The following IKZF1 variants were observed in gnomAD, a reference collection of about 807,000 sequenced individuals.
IKZF1 encodes DNA-binding protein Ikaros.
A neutral mutation model predicts 51.7 loss-of-function variants in IKZF1; 10 were observed. The observed-to-expected ratio is 0.19, with a 90% CI of 0.12 to 0.33. The LOEUF is 0.33. IKZF1 is among the 10% of genes least tolerant of loss of function. IKZF1 has a pLI of 1.00. For synonymous variants in IKZF1, 280 were observed against 282.3 expected, an observed-to-expected ratio of 0.99 and a Z score of 0.08; for missense variants, 484 against 707.5, an observed-to-expected ratio of 0.68 and a Z score of 3.58.
intron 4 of IKZF1, chr7:50,377,086 A>G (rs987021351): frequency 4.6e-5 from 19 of 416,744 alleles, no homozygotes; most frequent in African/African-American, 3.2e-4. Context: ...AACACATACT[A>G]AGTAGTCTCA....
At chr7:50,367,280 G>A (rs77215619) in intron 3 of IKZF1, among the ~76,000 whole-genome samples, 1 of 152,158 alleles carries the variant, frequency 6.6e-6, no homozygotes, top group East Asian at 1.9e-4. Flanking sequence ...CACTTTAACA[G>A]TCACTGAGCT....
intron 1 of IKZF1, among the ~76,000 whole-genome samples, chr7:50,306,648 C>T (rs923389859): frequency 1.6e-4 from 25 of 152,324 alleles, no homozygotes; most frequent in Admixed American, 4.6e-4. Flanking sequence ...TCAGCTGTGG[C>T]CGTTTGTAGC....
chr7:50,314,388 G>T (rs1254868383), intron 1 of IKZF1, among the ~76,000 whole-genome samples: 1 of 152,170 alleles, frequency 6.6e-6, no homozygotes, highest in East Asian at 1.9e-4. Flanking sequence ...GGGATTACTG[G>T]CATGAGCCAC....
chr7:50,348,437 A>G (rs1171769822), intron 3 of IKZF1, among the ~76,000 whole-genome samples: 1 of 152,218 alleles, frequency 6.6e-6, no homozygotes, highest in Non-Finnish European at 1.5e-5. Flanking sequence ...GCTATGTTCA[A>G]TGAGAAACAG....
intron 4 of IKZF1, among the ~76,000 whole-genome samples, chr7:50,380,909 T>C (rs1357873942): frequency 6.6e-6 from 1 of 152,196 alleles, no homozygotes; most frequent in African/African-American, 2.4e-5. Context: ...ACTCAGACAG[T>C]ATAGTTAGTT....
At chr7:50,351,191 G>C (rs979755699) in intron 3 of IKZF1, among the ~76,000 whole-genome samples, 1 of 151,990 alleles carries the variant, frequency 6.6e-6, no homozygotes, top group African/African-American at 2.4e-5. Context: ...GGGGAGTGGG[G>C]GTGTGGATTT....
Position 50,401,935 on chromosome 7 carries a change from G to T in IKZF1, c.*1308G>T. 1 of 226,984 alleles carries T rather than the reference G, an allele frequency of 4.4e-6. No homozygotes were observed. Among genetic ancestry groups the T allele is most frequent in the Non-Finnish European group, 8.8e-6 (1 of 114,108 alleles). The allele number at this position is 226,984 out of a possible 1,614,324, so 14.1% of individuals were successfully genotyped here. A position where few individuals can be genotyped will look rare whatever the true frequency, so the allele number is the denominator to read the frequency against. ...ACACATACATAGGATGGCTGGCTCT[G>T]CACCTGTAGGATATTGGAATGCACA... On this transcript the variant is annotated 3_prime_UTR_variant, in exon 8 of 8. Transcript: ENST00000331340.
In IKZF1 at chr7:50,384,577, G is replaced by A. The variant is rs1031088143; in HGVS notation, c.589+1870G>A. Among the ~76,000 whole-genome samples, 3 of 152,246 alleles carry A rather than the reference G, an allele frequency of 2.0e-5. No individual in the cohort carries two copies. In the East Asian group the frequency reaches 5.8e-4, roughly 29 times the overall value. On this transcript the variant is annotated intron_variant, in intron 5 of 7. Coordinates refer to ENST00000331340, the MANE Select transcript of IKZF1 (RefSeq NM_006060.6). The stretch of plus-strand genomic sequence containing the variant: ...CCCTGAGATAGGAAGACAGTAGCAT[G>A]ACGGTGAGCATCTTTAAATGTTCAC...
chr7:50,379,734 C>T (rs1393723279), intron 4 of IKZF1, among the ~76,000 whole-genome samples: 1 of 152,152 alleles, frequency 6.6e-6, no homozygotes, highest in Admixed American at 6.5e-5. Context: ...TGGCACTGCT[C>T]CTCCCAGGTA....
chr7:50,383,905 C>G (rs1018564283), intron 5 of IKZF1, among the ~76,000 whole-genome samples: 1 of 152,380 alleles, frequency 6.6e-6, no homozygotes, highest in East Asian at 1.9e-4. Flanking sequence ...GTTTTAGAGG[C>G]TGCTCATTGT....
At chr7:50,373,262 T>C (rs1351368456) in intron 3 of IKZF1, among the ~76,000 whole-genome samples, 3 of 152,242 alleles carry the variant, frequency 2.0e-5, no homozygotes, top group Non-Finnish European at 4.4e-5. Flanking sequence ...CCTGCTGTTC[T>C]GCTCCCCACC....
At chr7:50,305,236 T>G (rs1404234605) in intron 1 of IKZF1, among the ~76,000 whole-genome samples, 3 of 152,202 alleles carry the variant, frequency 2.0e-5, no homozygotes, top group Non-Finnish European at 4.4e-5. Context: ...AGTCAGCCTT[T>G]ATAAAGTCGT....
intron 3 of IKZF1, among the ~76,000 whole-genome samples, chr7:50,352,084 A>G (rs938890381): frequency 2.0e-5 from 3 of 152,226 alleles, no homozygotes; most frequent in Non-Finnish European, 4.4e-5. Context: ...GTTGCCTCCA[A>G]TGCAGCAGAG....
rs1818238184 is a variant in IKZF1, at chr7:50,402,133, C to T, written c.*1506C>T. On this transcript the variant is annotated 3_prime_UTR_variant, in exon 8 of 8. Transcript: ENST00000331340. ...TTCTAATCCCAACAAGCAAGGGTCT[C>T]CTTCAAGATTAATGCTATCAATCAT... The T allele has an allele frequency of 4.3e-6, 1 of 230,626 alleles. No individual in the cohort carries two copies. The highest frequency in any genetic ancestry group is 1.8e-4 in the South Asian group (1 of 5,514). The allele number at this position is 230,626 out of a possible 1,614,324, so 14.3% of individuals were successfully genotyped here. A position where few individuals can be genotyped will look rare whatever the true frequency, so the allele number is the denominator to read the frequency against.
intron 6 of IKZF1, chr7:50,388,711 T>C (rs80070988): frequency 3.9e-5 from 6 of 152,316 alleles, no homozygotes; most frequent in Non-Finnish European, 8.8e-5. Flanking sequence ...GTAACAGTTA[T>C]TAATTCACAT....
intron 2 of IKZF1, among the ~76,000 whole-genome samples, chr7:50,320,086 T>G (rs1792761065): frequency 6.6e-6 from 1 of 152,154 alleles, no homozygotes; most frequent in Non-Finnish European, 1.5e-5. Flanking sequence ...TGTTTCAGAT[T>G]TTGGACTTAA....
intron 3 of IKZF1, among the ~76,000 whole-genome samples, chr7:50,361,644 G>C (rs184985150): frequency 3.3e-5 from 5 of 152,202 alleles, no homozygotes; most frequent in Non-Finnish European, 7.3e-5. Context: ...TTGGGAGGCC[G>C]AGGTGGGCTG....
At chr7:50,367,884 G>T (rs1204040608) in intron 3 of IKZF1, 1 of 603,350 alleles carries the variant, frequency 1.7e-6, no homozygotes, top group African/African-American at 1.9e-5. Context: ...ATGAGTAGCT[G>T]AACAGTGGTT....
At chr7:50,369,893 C>T (rs951163249) in intron 3 of IKZF1, among the ~76,000 whole-genome samples, 25 of 152,012 alleles carry the variant, frequency 1.6e-4, no homozygotes, top group African/African-American at 5.6e-4. Context: ...CCTAGTGGGA[C>T]GAAAACAACC....
Sources: gnomAD v4.1 joint callset for allele counts (sites outside exome capture counted in the v4.1 genomes callset) on GRCh38, gnomAD v4.1.1 for gene constraint, MANE v1.5 for transcripts, NCBI Gene and HGNC (gene_info 2026-07-23, HGNC 2026-07-21) for gene names.